Variants in CNGB3 observed in about 807,000 individuals in gnomAD.
CNGB3 encodes the protein cyclic nucleotide gated channel subunit beta 3.
CNGB3 carries 86 observed loss-of-function variants against 92.8 expected under a neutral mutation model. That is an observed-to-expected ratio of 0.93 (90% CI 0.78 to 1.11). The LOEUF (loss-of-function observed/expected upper bound fraction) is 1.11, where lower values mean the gene tolerates loss of function less well. CNGB3 is among the 50% of genes least tolerant of loss of function. CNGB3 has a pLI of 0.00. For missense variants in CNGB3, 1,026 were observed against 956.8 expected (o/e 1.07, Z -0.95); for synonymous variants, 333 against 332.7 (o/e 1.00, Z -0.01).
At chr8:86,703,826 T>G (rs530670882) in intron 3 of CNGB3, 3 of 152,352 alleles carry the variant, frequency 2.0e-5, no homozygotes, top group South Asian at 2.1e-4. Flanking sequence ...TGGTGTTATA[T>G]CTGAGTGATT....
intron 6 of CNGB3, among the ~76,000 whole-genome samples, chr8:86,654,682 T>G (rs575796714): frequency 6.6e-6 from 1 of 152,236 alleles, no homozygotes; most frequent in Non-Finnish European, 1.5e-5. Flanking sequence ...AAAAATTTTT[T>G]GGACAATTTT....
At chr8:86,707,673 A>T (rs565237347) in intron 3 of CNGB3, 2 of 152,346 alleles carry the variant, frequency 1.3e-5, no homozygotes, top group East Asian at 3.9e-4. Context: ...GGAGAAAGGG[A>T]TGATCTGCCC....
Position 86,668,024 on chromosome 8 carries a change from T to C in CNGB3, c.638A>G (p.Tyr213Cys). 6.2e-7 allele frequency: 1 copy of C among 1,614,072 alleles called. No individual in the cohort carries two copies. Among genetic ancestry groups the C allele is most frequent in the East Asian group, 2.2e-5 (1 of 44,864 alleles). ...AATTCACCCTTTGATAATACCTGTG[T>C]ATGAATCTATGCTGTTTGGAAGTTT... ...RIKLPNSIDS[Y>C]TDRLYLLWLL... The change falls in exon 5 of 18, where the codon TAC (tyrosine) becomes TGC (cysteine). Residue 213 changes from tyrosine (Y) to cysteine (C), a missense_variant. Coordinates refer to ENST00000320005, the MANE Select transcript of CNGB3 (RefSeq NM_019098.5).
At chr8:86,629,971 A>G (rs1208853609) in intron 11 of CNGB3, among the ~76,000 whole-genome samples, 2 of 152,120 alleles carry the variant, frequency 1.3e-5, no homozygotes, top group African/African-American at 4.8e-5. Flanking sequence ...GACTTTGCTC[A>G]TTCATTTTAG....
intron 8 of CNGB3, among the ~76,000 whole-genome samples, chr8:86,646,603 G>C (rs1823295302): frequency 6.6e-6 from 1 of 151,148 alleles, no homozygotes; most frequent in African/African-American, 2.4e-5. Flanking sequence ...GTATTCAACA[G>C]ACAGCTGCAA....
rs1823631308 is a variant in CNGB3, at chr8:86,661,047, G to GTT, written c.852+5876_852+5877dup. The GTT allele has an allele frequency of 1.3e-5, 3 of 232,308 alleles. No individual in the cohort carries two copies. In the East Asian group the frequency reaches 3.3e-4, roughly 26 times the overall value. The allele number at this position is 232,308 out of a possible 1,614,324, so 14.4% of individuals were successfully genotyped here. ...GTTCTACTTTCCTGGGTTTTTTTGT[G>GTT]TTTTGTGTTTGGCCTTGGTTCTTCA... On this transcript the variant is annotated intron_variant, in intron 6 of 17. Coordinates refer to ENST00000320005, the MANE Select transcript of CNGB3 (RefSeq NM_019098.5).
rs756383300 is a variant in CNGB3 at position 86,632,856 on chromosome 8, T to C, written c.1216A>G (p.Ile406Val). Residue 406 changes from isoleucine to valine, a missense_variant, in exon 11 of 18, where the codon ATT becomes GTT. Coordinates refer to ENST00000320005, the MANE Select transcript of CNGB3 (RefSeq NM_019098.5). ...RCYYWAVRTL[I>V]TIGGLPEPQT... ...GGTTCTGGAAGGCCACCAATGGTAA[T>C]TAAAGTTCGAACTGCCCAATAATAA... 3.4e-5 allele frequency: 55 copies of C among 1,612,626 alleles called. No homozygotes were observed. The highest frequency in any genetic ancestry group is 4.7e-5 in the Non-Finnish European group (55 of 1,179,814).
chr8:86,593,693 G>C (rs899737007), intron 15 of CNGB3: 1 of 716,788 alleles, frequency 1.4e-6, no homozygotes, highest in African/African-American at 1.8e-5. Flanking sequence ...GACCTCACTA[G>C]GCACGCTGAG....
intron 12 of CNGB3, among the ~76,000 whole-genome samples, chr8:86,627,780 G>A (rs1822876779): frequency 6.6e-6 from 1 of 152,160 alleles, no homozygotes; most frequent in South Asian, 2.1e-4. Flanking sequence ...GATGGGAGTG[G>A]CCTGAAAGGT....
chr8:86,739,855 T>G, intron 1 of CNGB3, 119 bp from the exon 2 acceptor site: 1 of 1,180,620 alleles, frequency 8.5e-7, no homozygotes, highest in Non-Finnish European at 1.2e-6. Flanking sequence ...TGACTGTTTA[T>G]GATGTACTAA....
chr8:86,687,477 GAACA>G (rs990150535), intron 3 of CNGB3, among the ~76,000 whole-genome samples: 3 of 152,036 alleles, frequency 2.0e-5, no homozygotes, highest in Non-Finnish European at 2.9e-5. Context: ...GAGATAACGA[GAACA>G]GACAAGTTCA....
rs894412376 is a variant in CNGB3, at chr8:86,574,856, T to C, written c.*948A>G. 1 of 152,114 alleles carries C rather than the reference T, an allele frequency of 6.6e-6. No individual in the cohort carries two copies. The highest frequency in any genetic ancestry group is 1.5e-5 in the Non-Finnish European group (1 of 68,010). The allele number at this position is 152,114 out of a possible 1,614,324, so 9.4% of individuals were successfully genotyped here. On this transcript the variant is annotated 3_prime_UTR_variant, in exon 18 of 18. Transcript: ENST00000320005. Reference sequence around the variant, plus strand: ...TGGAGATTTTGTAAACAGCTATACATGTAGGTTCCGGAAATTGTGGGGATA... The same window carrying C: ...TGGAGATTTTGTAAACAGCTATACACGTAGGTTCCGGAAATTGTGGGGATA...
chr8:86,720,856 AC>A (rs1824959404), intron 3 of CNGB3, among the ~76,000 whole-genome samples: 2 of 147,268 alleles, frequency 1.4e-5, no homozygotes, highest in African/African-American at 5.1e-5. Flanking sequence ...ACACACACAC[AC>A]ACACACACAC....
intron 3 of CNGB3, among the ~76,000 whole-genome samples, chr8:86,685,501 C>T (rs1159607194): frequency 6.6e-6 from 1 of 152,098 alleles, no homozygotes; most frequent in Non-Finnish European, 1.5e-5. Flanking sequence ...ACACTTCCTC[C>T]CCCACAAAGC....
chr8:86,722,571 G>A (rs1055563499), intron 3 of CNGB3, among the ~76,000 whole-genome samples: 3 of 152,156 alleles, frequency 2.0e-5, no homozygotes, highest in Non-Finnish European at 4.4e-5. Flanking sequence ...CATTATTCTG[G>A]TTGTGTCTTT....
chr8:86,709,460 A>G (rs1824710624), intron 3 of CNGB3, among the ~76,000 whole-genome samples: 1 of 152,168 alleles, frequency 6.6e-6, no homozygotes, highest in Non-Finnish European at 1.5e-5. Context: ...CCACATAAAG[A>G]GCATTGGTGA....
rs1825214534 is a variant in CNGB3, at chr8:86,734,713, AAC to A, written c.211+4940_211+4941del. 2.0e-5 allele frequency among the ~76,000 whole-genome samples: 3 copies of A among 152,300 alleles called. No homozygotes were observed. In the South Asian group the frequency reaches 6.2e-4, roughly 32 times the overall value. The stretch of plus-strand genomic sequence containing the variant: ...TTTGTAGTTTGTCTTGACAAGGTGT[AAC>A]ACCTGGCAGAACTTGACCTTCATCC... On this transcript the variant is annotated intron_variant, in intron 2 of 17. Coordinates refer to ENST00000320005, the MANE Select transcript of CNGB3 (RefSeq NM_019098.5).
chr8:86,670,484 C>G (rs1823834393), intron 4 of CNGB3, among the ~76,000 whole-genome samples: 1 of 152,124 alleles, frequency 6.6e-6, no homozygotes, highest in Non-Finnish European at 1.5e-5. Flanking sequence ...CAGTTTCCTC[C>G]TCTTCCATTC....
At position 86,654,034 on chromosome 8, in the gene CNGB3, T is replaced by A; in HGVS notation, c.881A>T (p.Tyr294Phe). ...TACCTGAAATTTTGTAGAAGTCCTGTAGTGTTTCCTTAGCTCATTTGAATC... is the reference window on the plus strand; with the variant it reads ...TACCTGAAATTTTGTAGAAGTCCTGAAGTGTTTCCTTAGCTCATTTGAATC... ...IVDSNELRKH[Y>F]RTSTKFQLDV... Residue 294 changes from tyrosine to phenylalanine, a missense_variant, in exon 7 of 18, where the codon TAC becomes TTC. Coordinates refer to ENST00000320005, the MANE Select transcript of CNGB3 (RefSeq NM_019098.5). 1.2e-6 allele frequency: 2 copies of A among 1,602,584 alleles called. No homozygotes were observed. The highest frequency in any genetic ancestry group is 1.7e-6 in the Non-Finnish European group (2 of 1,169,690).
Sources: allele counts gnomAD v4.1 joint callset (sites outside exome capture counted in the v4.1 genomes callset), GRCh38; gene constraint gnomAD v4.1.1; transcripts MANE v1.5; gene names NCBI Gene and HGNC (gene_info 2026-07-23, HGNC 2026-07-21).